The following TP53BP1 variants were observed in gnomAD, a reference collection of about 807,000 sequenced individuals.
The protein encoded by TP53BP1 is TP53-binding protein 1.
TP53BP1 carries 61 observed loss-of-function variants against 200.8 expected under a neutral mutation model. That is an observed-to-expected ratio of 0.30 (90% CI 0.25 to 0.38). The LOEUF (loss-of-function observed/expected upper bound fraction) is 0.38. Ranked by LOEUF, TP53BP1 falls within the 10% of genes least tolerant of loss-of-function variation. The pLI, the probability that TP53BP1 is intolerant of heterozygous loss-of-function variation, is 1.00. For synonymous variants in TP53BP1, 822 were observed against 844.3 expected (o/e 0.97, Z 0.46); for missense variants, 2,144 against 2,371.9 (o/e 0.90, Z 2.00).
chr15:43,490,839 T>C (rs1453591903), intron 4 of TP53BP1, among the ~76,000 whole-genome samples: 1 of 152,216 alleles, frequency 6.6e-6, no homozygotes, highest in Non-Finnish European at 1.5e-5. Flanking sequence ...AATGTCTTCA[T>C]CGTACAGCTG....
chr15:43,426,695 A>G (rs2045542605), intron 18 of TP53BP1, among the ~76,000 whole-genome samples: 1 of 151,744 alleles, frequency 6.6e-6, no homozygotes, highest in African/African-American at 2.4e-5. Flanking sequence ...GAATTAAAGG[A>G]AAGTATCTGG....
At chr15:43,488,194 G>C (rs567043912) in intron 4 of TP53BP1, among the ~76,000 whole-genome samples, 2 of 152,042 alleles carry the variant, frequency 1.3e-5, no homozygotes, top group African/African-American at 2.4e-5. Flanking sequence ...AGCTACTTGC[G>C]AGGCTGAGAT....
chr15:43,474,615 A>C (rs563919164), intron 10 of TP53BP1, 58 bp downstream of exon 10: 1 of 1,236,630 alleles, frequency 8.1e-7, no homozygotes, highest in Non-Finnish European at 1.2e-6. Flanking sequence ...TTTGCAAGGC[A>C]GAAAAAGTGT....
intron 11 of TP53BP1, among the ~76,000 whole-genome samples, chr15:43,467,502 C>T (rs140638596): frequency 1.9e-4 from 29 of 148,980 alleles, no homozygotes; most frequent in African/African-American, 7.5e-4. Flanking sequence ...CAGAATCACT[C>T]ATTTGTCTCA....
At chr15:43,480,780 C>T in intron 5 of TP53BP1, 115 bp downstream of exon 5, 1 of 1,184,670 alleles carries the variant, frequency 8.4e-7, no homozygotes, top group Non-Finnish European at 1.2e-6. Flanking sequence ...TAATGACTCT[C>T]AATTTAATTA....
Position 43,405,525 on chromosome 15 carries a change from C to T in TP53BP1, c.*1858G>A, listed in dbSNP as rs908189840. 1 of 381,338 alleles carries T rather than the reference C, an allele frequency of 2.6e-6. No homozygotes were observed. Among genetic ancestry groups the T allele is most frequent in the African/African-American group, 2.0e-5 (1 of 48,946 alleles). The allele number at this position is 381,338 out of a possible 1,614,324, so 23.6% of individuals were successfully genotyped here. ...ACCTACTACGTACCTTGGTACTGTT[C>T]AAGCTGTGGGAGATACAGCGGTAAA... On this transcript the variant is annotated 3_prime_UTR_variant, in exon 28 of 28. Coordinates refer to ENST00000382044, the MANE Select transcript of TP53BP1 (RefSeq NM_001141980.3).
Position 43,405,687 on chromosome 15 carries a change from T to C in TP53BP1, c.*1696A>G, listed in dbSNP as rs555364966. ...GTAAGATAGGCTTTCTCTCTCCCTA[T>C]ACCAAGTAATTTATACCTACACAGA... is the stretch of plus-strand genomic sequence containing the variant. On this transcript the variant is annotated 3_prime_UTR_variant, in exon 28 of 28. Coordinates refer to ENST00000382044, the MANE Select transcript of TP53BP1 (RefSeq NM_001141980.3). 6.3e-6 allele frequency: 1 copy of C among 158,586 alleles called. No individual in the cohort carries two copies. The highest frequency in any genetic ancestry group is 2.4e-5 in the African/African-American group (1 of 41,626). 9.8% of individuals were successfully genotyped at this position (158,586 alleles called of 1,614,324 possible). A position where few individuals can be genotyped will look rare whatever the true frequency, so the allele number is the denominator to read the frequency against.
At chr15:43,487,765 C>CA (rs2079066041) in intron 4 of TP53BP1, among the ~76,000 whole-genome samples, 1 of 136,470 alleles carries the variant, frequency 7.3e-6, no homozygotes, top group African/African-American at 2.8e-5. Context: ...GCCTGGGCGA[C>CA]AGAGCAAGAC....
At chr15:43,464,180 C>T (rs772474522) in intron 11 of TP53BP1, among the ~76,000 whole-genome samples, 3 of 152,102 alleles carry the variant, frequency 2.0e-5, no homozygotes, top group Non-Finnish European at 4.4e-5. Context: ...CAAAGATTAC[C>T]AGACATCTGA....
At chr15:43,435,552 A>G (rs1219156847) in intron 16 of TP53BP1, among the ~76,000 whole-genome samples, 3 of 152,228 alleles carry the variant, frequency 2.0e-5, no homozygotes, top group Admixed American at 1.3e-4. Context: ...TTAAAATCAC[A>G]TGATTTCAGG....
intron 16 of TP53BP1, among the ~76,000 whole-genome samples, chr15:43,436,165 AC>A (rs2045793351): frequency 6.6e-6 from 1 of 151,708 alleles, no homozygotes; most frequent in African/African-American, 2.4e-5. Flanking sequence ...CTAATTTTGT[AC>A]TTTTTGTAGA....
At chr15:43,469,284 C>A (rs1470764362) in intron 11 of TP53BP1, among the ~76,000 whole-genome samples, 1 of 152,048 alleles carries the variant, frequency 6.6e-6, no homozygotes. Context: ...CATCTTGATA[C>A]CCTAAGTATA....
At chr15:43,415,344 T>G (rs2254321) in intron 23 of TP53BP1, 112,482 of 564,292 alleles carry the variant, frequency 0.2, 19,850 homozygotes, top group African/African-American at 0.68. Flanking sequence ...CAGTAGCTGG[T>G]ATTACAGGCG....
intron 26 of TP53BP1, 161 bp from the exon 27 acceptor site, chr15:43,408,249 G>A: frequency 1.4e-6 from 1 of 726,646 alleles, no homozygotes; most frequent in Non-Finnish European, 2.2e-6. Flanking sequence ...AGGCTGTCGT[G>A]GTTGGATCTC....
intron 1 of TP53BP1, among the ~76,000 whole-genome samples, 154 bp downstream of exon 1, chr15:43,492,883 T>G (rs984734695): frequency 6.6e-6 from 1 of 150,560 alleles, no homozygotes; most frequent in Admixed American, 6.6e-5. Context: ...CCTTCTTAGC[T>G]AACGTTTCCC....
rs139436714 is a variant in TP53BP1, at chr15:43,455,799, G to A, written c.2716+93C>T. On this transcript the variant is annotated intron_variant, in intron 12 of 27. Coordinates refer to ENST00000382044, the MANE Select transcript of TP53BP1 (RefSeq NM_001141980.3). ...TTCATAAACATAAACCAAAGATAGT[G>A]TTCACTCCTGACATAAGCATGCAGT... 228 of 1,413,420 alleles carry A rather than the reference G, an allele frequency of 1.6e-4. No homozygotes were observed. In the African/African-American group the frequency reaches 2.8e-3, roughly 17 times the overall value. The allele number at this position is 1,413,420 out of a possible 1,614,324, so 87.6% of individuals were successfully genotyped here.
intron 2 of TP53BP1, 83 bp downstream of exon 2, chr15:43,492,201 G>C: frequency 6.7e-7 from 1 of 1,495,190 alleles, no homozygotes; most frequent in South Asian, 1.2e-5. Context: ...AGAAGGTAAT[G>C]ATCTTCTAAA....
chr15:43,493,049 C>T lies in TP53BP1; in HGVS notation c.-6G>A. ...CTCCAAACAGTACCAGGCATCCCGG[C>T]GGGAGGTCCCTCGCGCTCGAGCTAG... is the stretch of plus-strand genomic sequence containing the variant. On this transcript the variant is annotated 5_prime_UTR_variant, in exon 1 of 28. Coordinates refer to ENST00000382044, the MANE Select transcript of TP53BP1 (RefSeq NM_001141980.3). 5 of 1,613,300 alleles carry T rather than the reference C, an allele frequency of 3.1e-6. No individual in the cohort carries two copies. The highest frequency in any genetic ancestry group is 4.2e-6 in the Non-Finnish European group (5 of 1,179,682).
chr15:43,420,605 C>A lies in TP53BP1; in HGVS notation c.4381G>T (p.Ala1461Ser). 1 of 1,614,160 alleles carries A rather than the reference C, an allele frequency of 6.2e-7. No homozygotes were observed. The highest frequency in any genetic ancestry group is 8.5e-7 in the Non-Finnish European group (1 of 1,180,032). ...TCTGGAGAGTCACTACGACGCAAAG[C>A]ACCAGCACCCACATCTGTTCGTCTG... ...STRRTDVGAG[A>S]LRRSDSPEIP... The change falls in exon 21 of 28, where the codon GCT becomes TCT. Residue 1461 changes from alanine (A) to serine (S), a missense_variant. By Grantham distance (99) the Ala-to-Ser change is moderately conservative. Coordinates refer to ENST00000382044, the MANE Select transcript of TP53BP1 (RefSeq NM_001141980.3).
Sources: gnomAD v4.1 joint callset for allele counts (sites outside exome capture counted in the v4.1 genomes callset) on GRCh38, gnomAD v4.1.1 for gene constraint, MANE v1.5 for transcripts, NCBI Gene and HGNC (gene_info 2026-07-23, HGNC 2026-07-21) for gene names.